IQGAP1: variants seen among roughly 807,000 people sequenced by gnomAD.
IQGAP1 encodes the protein IQ motif containing GTPase activating protein 1.
Under a neutral mutation model 215.6 loss-of-function variants are expected in IQGAP1, and 66 were observed. The observed-to-expected ratio is 0.31, with a 90% CI of 0.25 to 0.38. The LOEUF (loss-of-function observed/expected upper bound fraction) is 0.38. IQGAP1 is among the 10% of genes least tolerant of loss of function. The pLI is 1.00. For synonymous variants in IQGAP1, 772 were observed against 728.7 expected (o/e 1.06, Z -0.96); for missense variants, 1,712 against 1,997.1 (o/e 0.86, Z 2.72).
intron 5 of IQGAP1, among the ~76,000 whole-genome samples, chr15:90,436,063 C>CTTTTT (rs61513362): frequency 7.3e-6 from 1 of 137,226 alleles, no homozygotes; most frequent in African/African-American, 2.7e-5. Flanking sequence ...CCCTGCTTGC[C>CTTTTT]TTTTTTTTTT....
At position 90,487,444 on chromosome 15, in the gene IQGAP1, G is replaced by A. The variant is rs755062771; in HGVS notation, c.4161-51G>A. 3.0e-6 allele frequency: 4 copies of A among 1,343,372 alleles called. No individual in the cohort carries two copies. In the African/African-American group the frequency reaches 4.3e-5, roughly 15 times the overall value. 83.2% of individuals were successfully genotyped at this position (1,343,372 alleles called of 1,614,324 possible). A position where few individuals can be genotyped will look rare whatever the true frequency, so the allele number is the denominator to read the frequency against. ...GCTGCTGCTGCTTCGGTCCACTTGA[G>A]AGGAACTAGAACACTGGTAATATTT... On this transcript the variant is annotated intron_variant, in intron 32 of 37. Coordinates refer to ENST00000268182, the MANE Select transcript of IQGAP1 (RefSeq NM_003870.4).
chr15:90,426,702 C>G lies in IQGAP1; in HGVS notation c.312+436C>G, dbSNP rs145898508. Among the ~76,000 whole-genome samples the G allele has an allele frequency of 3.7e-3, 565 of 152,192 alleles. 3 individuals carry two copies. Among genetic ancestry groups the G allele is most frequent in the African/African-American group, 0.012 (510 of 41,516 alleles). On this transcript the variant is annotated intron_variant, in intron 3 of 37. Transcript: ENST00000268182. The stretch of plus-strand genomic sequence containing the variant: ...GGGCGCGGTGGCTCACGCCGGTAAT[C>G]CCAGTACTTTGGGAGGCTGAGGTGG...
chr15:90,423,520 A>G (rs1965177765), intron 2 of IQGAP1, among the ~76,000 whole-genome samples: 1 of 152,242 alleles, frequency 6.6e-6, no homozygotes, highest in Non-Finnish European at 1.5e-5. Context: ...GGTGTGAGCC[A>G]CTGCATCCTA....
chr15:90,433,680 GA>G, intron 4 of IQGAP1, 38 bp from the exon 5 acceptor site: 1 of 1,194,722 alleles, frequency 8.4e-7, no homozygotes, highest in South Asian at 1.3e-5. Flanking sequence ...TGAACACAGT[GA>G]ATGGATATCT....
At chr15:90,448,853 TG>T (rs1965560971) in intron 10 of IQGAP1, 117 bp downstream of exon 10, 1 of 923,002 alleles carries the variant, frequency 1.1e-6, no homozygotes, top group African/African-American at 1.7e-5. Flanking sequence ...CTTTTTCCTC[TG>T]CATATAAATT....
At chr15:90,481,214 T>C (rs974071553) in intron 26 of IQGAP1, among the ~76,000 whole-genome samples, 3 of 151,854 alleles carry the variant, frequency 2.0e-5, no homozygotes, top group Non-Finnish European at 4.4e-5. Context: ...CCTCTGCCTT[T>C]GTGGTCACAT....
rs764371520 is a variant in IQGAP1, at chr15:90,474,481, T to TC, written c.2576-3dup. ...TCCATTCTTTGATGCATACTTTCTG[T>TC]CAGTCAATGCTGAGGATCCTCCTAT... On this transcript the variant is annotated splice_polypyrimidine_tract_variant and splice_region_variant and intron_variant, in intron 22 of 37. Transcript: ENST00000268182. 1 of 1,611,552 alleles carries TC rather than the reference T, an allele frequency of 6.2e-7. No individual in the cohort carries two copies.
In IQGAP1 at chr15:90,449,569, C is replaced by T; in HGVS notation, c.1088C>T (p.Thr363Ile). 6.2e-7 allele frequency: 1 copy of T among 1,612,502 alleles called. No individual in the cohort carries two copies. Among genetic ancestry groups the T allele is most frequent in the Non-Finnish European group, 8.5e-7 (1 of 1,179,334 alleles). ...DKQQKRQSGQ[T>I]DPLQKEELQS... ...CTTTGCTTTGCTCAGAGTGGTCAGA[C>T]TGACCCCCTGCAGAAGGAGGAGCTG... The change falls in exon 11 of 38, where the codon ACT becomes ATT. Residue 363 changes from threonine to isoleucine, a missense_variant. Transcript: ENST00000268182.
At position 90,439,154 on chromosome 15, in the gene IQGAP1, TA is replaced by T. The variant is rs549451676; in HGVS notation, c.468-166del. ...TTTAGGACAATGTTGTCATGTAAAC[TA>T]AAAAAAAAAAACTGAGGTAAATAGC... On this transcript the variant is annotated intron_variant, in intron 5 of 37. Transcript: ENST00000268182. Among the ~76,000 whole-genome samples the T allele has an allele frequency of 2.9e-3, 338 of 115,382 alleles. 2 individuals carry two copies. Among genetic ancestry groups the T allele is most frequent in the Admixed American group, 3.3e-3 (43 of 12,866 alleles). 75.7% of individuals were successfully genotyped at this position (115,382 alleles called of 152,430 possible).
At chr15:90,388,477 G>T in intron 1 of IQGAP1, 81 bp downstream of exon 1, 1 of 1,237,598 alleles carries the variant, frequency 8.1e-7, no homozygotes, top group South Asian at 1.6e-5. Context: ...GGGCTCGGCC[G>T]GGCGGGTGGG....
intron 15 of IQGAP1, among the ~76,000 whole-genome samples, chr15:90,460,996 CT>C (rs1217900656): frequency 1.4e-5 from 1 of 69,596 alleles, no homozygotes; most frequent in Non-Finnish European, 2.6e-5. Context: ...AAGACCCTGT[CT>C]TTAAAAAAAA....
intron 2 of IQGAP1, among the ~76,000 whole-genome samples, chr15:90,416,447 A>G (rs1339650391): frequency 3.3e-5 from 5 of 152,096 alleles, no homozygotes; most frequent in Admixed American, 6.5e-5. Flanking sequence ...GTCAAATGGT[A>G]TTTCTAGTTC....
chr15:90,440,657 C>A, intron 7 of IQGAP1, 42 bp downstream of exon 7: 1 of 1,200,326 alleles, frequency 8.3e-7, no homozygotes, highest in Non-Finnish European at 1.2e-6. Flanking sequence ...GGGATTGTTG[C>A]CACTATTTCC....
intron 2 of IQGAP1, among the ~76,000 whole-genome samples, chr15:90,417,874 C>G (rs1177108129): frequency 2.0e-5 from 3 of 152,114 alleles, no homozygotes; most frequent in African/African-American, 7.2e-5. Flanking sequence ...TTGTTTGTAT[C>G]CTCTTTTATT....
chr15:90,445,900 C>T (rs1299820455), intron 9 of IQGAP1, among the ~76,000 whole-genome samples: 2 of 150,398 alleles, frequency 1.3e-5, no homozygotes, highest in African/African-American at 2.5e-5. Flanking sequence ...GGCACGATCT[C>T]GGCTCACTGC....
chr15:90,390,642 C>A, intron 1 of IQGAP1, 132 bp from the exon 2 acceptor site: 1 of 594,090 alleles, frequency 1.7e-6, no homozygotes, highest in South Asian at 2.1e-5. Flanking sequence ...TTGTAGTACA[C>A]CTGGCTGGCT....
In IQGAP1 at chr15:90,501,024, G is replaced by T. The variant is rs919053847; in HGVS notation, c.*916G>T. The T allele has an allele frequency of 6.6e-6, 1 of 152,602 alleles. No homozygotes were observed. Among genetic ancestry groups the T allele is most frequent in the Non-Finnish European group, 1.5e-5 (1 of 68,028 alleles). 9.5% of individuals were successfully genotyped at this position (152,602 alleles called of 1,614,324 possible). ...TAGATGTATGTCTTAAAATGTGGGT[G>T]ATAGGAATTTTAAAGATTTATATAA... On this transcript the variant is annotated 3_prime_UTR_variant, in exon 38 of 38. Coordinates refer to ENST00000268182, the MANE Select transcript of IQGAP1 (RefSeq NM_003870.4).
chr15:90,433,496 G>A (rs1325057940), intron 4 of IQGAP1, among the ~76,000 whole-genome samples: 1 of 152,198 alleles, frequency 6.6e-6, no homozygotes, highest in African/African-American at 2.4e-5. Flanking sequence ...TTTCCAAGTA[G>A]TACTTTTTAT....
At chr15:90,407,631 C>A (rs1186272340) in intron 2 of IQGAP1, among the ~76,000 whole-genome samples, 1 of 152,150 alleles carries the variant, frequency 6.6e-6, no homozygotes, top group African/African-American at 2.4e-5. Flanking sequence ...TAAGTATTTT[C>A]TCGTTATTTA....
Sources: gnomAD v4.1 joint callset for allele counts (sites outside exome capture counted in the v4.1 genomes callset) on GRCh38, gnomAD v4.1.1 for gene constraint, MANE v1.5 for transcripts, NCBI Gene and HGNC (gene_info 2026-07-23, HGNC 2026-07-21) for gene names.